NFIB: variants seen among roughly 807,000 people sequenced by gnomAD.
NFIB encodes the protein nuclear factor I B.
A neutral mutation model predicts 61.5 loss-of-function variants in NFIB; 11 were observed. The observed-to-expected ratio is 0.18, with a 90% confidence interval of 0.11 to 0.30. The LOEUF (loss-of-function observed/expected upper bound fraction) is 0.30, where lower values mean the gene tolerates loss of function less well. Ranked by LOEUF, NFIB falls within the 10% of genes least tolerant of loss-of-function variation. The pLI is 1.00. For synonymous variants in NFIB, 260 were observed against 216.5 expected, an observed-to-expected ratio of 1.20 and a Z score of -1.76; for missense variants, 471 against 608.9, an observed-to-expected ratio of 0.77 and a Z score of 2.38.
At chr9:14,116,127 G>C in intron 9 of NFIB, 81 bp downstream of exon 9, 1 of 1,348,056 alleles carries the variant, frequency 7.4e-7, no homozygotes, top group African/African-American at 1.5e-5. Context: ...CCTTGGATCA[G>C]ATATCCAATG....
intron 1 of NFIB, chr9:14,361,452 C>CT (rs997194293): frequency 6.6e-6 from 1 of 152,120 alleles, no homozygotes; most frequent in African/African-American, 2.4e-5. Flanking sequence ...AGTAGCATTA[C>CT]TGATCAAAAA....
intron 2 of NFIB, among the ~76,000 whole-genome samples, chr9:14,268,685 T>A (rs529638858): frequency 6.6e-6 from 1 of 152,356 alleles, no homozygotes; most frequent in Admixed American, 6.5e-5. Context: ...TTGTCTACTA[T>A]CTGTTTCATA....
chr9:14,208,562 CTT>C lies in NFIB; in HGVS notation c.563-28784_563-28783del, dbSNP rs35510277. Among the ~76,000 whole-genome samples the C allele has an allele frequency of 2.2e-3, 306 of 139,378 alleles. 1 individual carries two copies. Among genetic ancestry groups the C allele is most frequent in the Non-Finnish European group, 2.8e-3 (180 of 63,976 alleles). The allele number at this position is 139,378 out of a possible 152,430, so 91.4% of individuals were successfully genotyped here. On this transcript the variant is annotated intron_variant, in intron 2 of 10. Coordinates refer to ENST00000380953, the MANE Select transcript of NFIB (RefSeq NM_001190737.2). ...TTCCTGGTATTTTTACTTAAAAGAG[CTT>C]TTTTTTTTTTTTCCTTAAGGACTCT...
chr9:14,491,932 C>T, the NFIB span, among the ~76,000 whole-genome samples: 2 of 152,160 alleles, frequency 1.3e-5, no homozygotes, highest in Non-Finnish European at 2.9e-5. Flanking sequence ...GAATCTCATG[C>T]ATTGGCACCT....
intron 1 of NFIB, among the ~76,000 whole-genome samples, chr9:14,354,897 CCTG>C (rs904283287): frequency 1.3e-5 from 2 of 151,372 alleles, no homozygotes; most frequent in African/African-American, 4.9e-5. Context: ...TAGCCCTTGT[CCTG>C]TTGTGAACAC....
intron 2 of NFIB, among the ~76,000 whole-genome samples, chr9:14,243,137 C>T (rs1251136448): frequency 6.6e-6 from 1 of 152,104 alleles, no homozygotes; most frequent in African/African-American, 2.4e-5. Flanking sequence ...GTCATCAAGA[C>T]TAGAGTTTAA....
chr9:14,131,223 T>C (rs1276861448), intron 6 of NFIB, among the ~76,000 whole-genome samples: 1 of 152,198 alleles, frequency 6.6e-6, no homozygotes, highest in Non-Finnish European at 1.5e-5. Flanking sequence ...TAGTTGAATA[T>C]GGAATAAAAG....
intron 2 of NFIB, among the ~76,000 whole-genome samples, chr9:14,277,007 C>A (rs2058048540): frequency 6.6e-6 from 1 of 152,162 alleles, no homozygotes; most frequent in South Asian, 2.1e-4. Flanking sequence ...TTGTACTGAA[C>A]TGCTATTTGT....
chr9:14,225,964 T>G (rs1027851147), intron 2 of NFIB, among the ~76,000 whole-genome samples: 5 of 152,222 alleles, frequency 3.3e-5, no homozygotes, highest in African/African-American at 1.2e-4. Context: ...TTTAGAACAG[T>G]GATCAGGTAA....
At chr9:14,476,699 TA>T in the NFIB span, among the ~76,000 whole-genome samples, 2 of 151,988 alleles carry the variant, frequency 1.3e-5, no homozygotes, top group East Asian at 1.9e-4. Context: ...AGCTTTCAAA[TA>T]AAAAAACCAA....
chr9:14,142,720 A>G (rs1034130707), intron 6 of NFIB, among the ~76,000 whole-genome samples: 1 of 152,226 alleles, frequency 6.6e-6, no homozygotes, highest in African/African-American at 2.4e-5. Flanking sequence ...GAAATGTTCA[A>G]CTTGCCTGTT....
chr9:14,491,741 C>T, the NFIB span, among the ~76,000 whole-genome samples: 3,563 of 152,200 alleles, frequency 0.023, 75 homozygotes, highest in Non-Finnish European at 0.036. Context: ...TTCAAAGCCT[C>T]CCCCCTCCAT....
the NFIB span, among the ~76,000 whole-genome samples, chr9:14,503,620 T>C: frequency 6.6e-6 from 1 of 152,210 alleles, no homozygotes; most frequent in African/African-American, 2.4e-5. Flanking sequence ...TGGCCACTTG[T>C]ATATCTTCTT....
At chr9:14,304,888 A>C (rs1016930531) in intron 2 of NFIB, among the ~76,000 whole-genome samples, 2 of 152,356 alleles carry the variant, frequency 1.3e-5, no homozygotes, top group Admixed American at 1.3e-4. Flanking sequence ...AAAGGGGAAA[A>C]CACAAAAGCA....
intron 1 of NFIB, among the ~76,000 whole-genome samples, chr9:14,356,960 G>A (rs1046625640): frequency 3.9e-5 from 6 of 152,174 alleles, no homozygotes; most frequent in African/African-American, 1.4e-4. Context: ...TTGGTCAGGA[G>A]GTCTGCTTTT....
At chr9:14,509,048 G>T in the NFIB span, among the ~76,000 whole-genome samples, 1 of 152,166 alleles carries the variant, frequency 6.6e-6, no homozygotes, top group African/African-American at 2.4e-5. Context: ...TATAATAAAT[G>T]TTTGAAATGA....
chr9:14,361,157 C>G (rs1445850172), intron 1 of NFIB: 1 of 151,688 alleles, frequency 6.6e-6, no homozygotes, highest in Non-Finnish European at 1.5e-5. Flanking sequence ...GGATGAATTC[C>G]CAGTCAACTT....
chr9:14,463,562 C>A, the NFIB span, among the ~76,000 whole-genome samples: 1 of 151,268 alleles, frequency 6.6e-6, no homozygotes, highest in African/African-American at 2.4e-5. Context: ...AGAGTGGCAT[C>A]GTTAAGTGAA....
At chr9:14,236,734 A>C (rs944632065) in intron 2 of NFIB, among the ~76,000 whole-genome samples, 20 of 152,130 alleles carry the variant, frequency 1.3e-4, no homozygotes, top group Non-Finnish European at 2.4e-4. Flanking sequence ...ATTTGGACAG[A>C]TTCATAGCAC....
Sources: gnomAD v4.1 joint callset for allele counts (sites outside exome capture counted in the v4.1 genomes callset) on GRCh38, gnomAD v4.1.1 for gene constraint, MANE v1.5 for transcripts, NCBI Gene and HGNC (gene_info 2026-07-23, HGNC 2026-07-21) for gene names.